FBRS: variants seen among roughly 807,000 people sequenced by gnomAD.
FBRS encodes probable fibrosin-1.
Under a neutral mutation model 86.1 loss-of-function variants are expected in FBRS, and 15 were observed. The observed-to-expected ratio is 0.17, with a 90% CI of 0.12 to 0.27. The LOEUF (loss-of-function observed/expected upper bound fraction) is 0.27, where lower values mean the gene tolerates loss of function less well. FBRS is among the 10% of genes least tolerant of loss of function. The pLI is 1.00. For missense variants in FBRS, 1,367 were observed against 1,301.6 expected, an observed-to-expected ratio of 1.05 and a Z score of -0.77; for synonymous variants, 666 against 575.8, an observed-to-expected ratio of 1.16 and a Z score of -2.24.
intron 4 of FBRS, 177 bp from the exon 5 acceptor site, chr16:30,662,240 TCTG>T: frequency 1.1e-6 from 1 of 918,916 alleles, no homozygotes; most frequent in East Asian, 2.7e-5. Context: ...GCTGCTCCAC[TCTG>T]CTTTTTCTCC....
rs2052458607 is a variant in FBRS, at chr16:30,661,311, C to T, written c.683C>T (p.Ala228Val). The change falls in exon 4 of 18, where the codon GCG becomes GTG. Residue 228 changes from alanine (A) to valine (V), a missense_variant. This residue lies in a region of FBRS where 702 missense variants were observed against 598.7 expected (regional missense o/e 1.17). Coordinates refer to ENST00000356166, the MANE Select transcript of FBRS (RefSeq NM_001105079.3). ...HSLEAGYICD[A>V]ESDLDERVSD... Reference sequence around the variant, plus strand: ...GTCTTTCCTTCTCCCCAGTGTGACGCGGAAAGTGATCTGGACGAGAGGGTG... The same window carrying T: ...GTCTTTCCTTCTCCCCAGTGTGACGTGGAAAGTGATCTGGACGAGAGGGTG... 3.9e-6 allele frequency: 6 copies of T among 1,550,578 alleles called. No individual in the cohort carries two copies. Among genetic ancestry groups the T allele is most frequent in the South Asian group, 1.2e-5 (1 of 84,054 alleles).
rs942183558 is a variant in FBRS at position 30,665,753 on chromosome 16, G to T, written c.1773+47G>T. ...CTGGGGGAGCTGGAAGGTGTGTTGCGGGGAGAACAGAACTGACTTGAGGAG... is the reference window on the plus strand; with the variant it reads ...CTGGGGGAGCTGGAAGGTGTGTTGCTGGGAGAACAGAACTGACTTGAGGAG... On this transcript the variant is annotated intron_variant, in intron 11 of 17. Transcript: ENST00000356166. This position sits in a 1 kb window ranked among gnomAD's most constrained non-coding sequence, Gnocchi z 4.1. The T allele has an allele frequency of 2.7e-5, 42 of 1,535,890 alleles. No individual in the cohort carries two copies. The highest frequency in any genetic ancestry group is 3.4e-5 in the Non-Finnish European group (39 of 1,132,088).
At chr16:30,667,686 A>C (rs1394523482) in intron 15 of FBRS, 64 bp downstream of exon 15, 1 of 1,385,902 alleles carries the variant, frequency 7.2e-7, no homozygotes, top group African/African-American at 1.5e-5. Context: ...GATGGAAATC[A>C]GACCCAGCAG....
chr16:30,664,138 C>T (rs2052491858), intron 6 of FBRS, 77 bp from the exon 7 acceptor site: 4 of 1,300,172 alleles, frequency 3.1e-6, no homozygotes, highest in Non-Finnish European at 3.0e-6. Context: ...GTCACGGTAT[C>T]ACCCAGGCTT....
intron 2 of FBRS, 21 bp downstream of exon 2, chr16:30,660,463 T>C: frequency 8.0e-7 from 1 of 1,256,376 alleles, no homozygotes; most frequent in Non-Finnish European, 1.0e-6. Flanking sequence ...CCCTTAAAAC[T>C]CTTTAGGCAG....
Position 30,665,671 on chromosome 16 carries a change from C to T in FBRS, c.1738C>T (p.Pro580Ser). 1 of 1,591,670 alleles carries T rather than the reference C, an allele frequency of 6.3e-7. No homozygotes were observed. Among genetic ancestry groups the T allele is most frequent in the South Asian group, 1.1e-5 (1 of 87,172 alleles). ...CCCTGAGCTGCCACCACGACTGGGG[C>T]CGGTGCCGAGCGGGCTCTCCCAGAA... The part of the protein sequence containing the change: ...TNPELPPRLG[P>S]VPSGLSQKGT... The change falls in exon 11 of 18, where the codon CCG becomes TCG. Residue 580 changes from proline to serine, a missense_variant. Coordinates refer to ENST00000356166, the MANE Select transcript of FBRS (RefSeq NM_001105079.3). This position sits in a 1 kb window ranked among gnomAD's most constrained non-coding sequence, Gnocchi z 4.1.
chr16:30,666,863 G>T (rs978405094), intron 12 of FBRS, 56 bp from the exon 13 acceptor site: 6 of 1,562,770 alleles, frequency 3.8e-6, no homozygotes, highest in Non-Finnish European at 3.5e-6. Context: ...TGGAGTGGAT[G>T]ATGAGTGAAC....
At position 30,665,424 on chromosome 16, in the gene FBRS, A is replaced by G. The variant is rs2052511853; in HGVS notation, c.1704+23A>G. The G allele has an allele frequency of 5.2e-6, 8 of 1,547,636 alleles. No individual in the cohort carries two copies. Among genetic ancestry groups the G allele is most frequent in the Admixed American group, 1.9e-5 (1 of 51,536 alleles). On this transcript the variant is annotated intron_variant, in intron 10 of 17. Coordinates refer to ENST00000356166, the MANE Select transcript of FBRS (RefSeq NM_001105079.3). This position sits in a 1 kb window ranked among gnomAD's most constrained non-coding sequence, Gnocchi z 4.1. The stretch of plus-strand genomic sequence containing the variant: ...AAGGTGAGCTCCCAATCCAGACACC[A>G]CCACCGCCTACCATCTTGACAAACC...
In FBRS at chr16:30,668,907, G is replaced by A. The variant is rs778529104; in HGVS notation, c.2294G>A (p.Arg765Gln). The A allele has an allele frequency of 8.6e-5, 137 of 1,587,978 alleles. No individual in the cohort carries two copies. The highest frequency in any genetic ancestry group is 6.7e-4 in the Middle Eastern group (4 of 6,006). Reference protein sequence around the residue: ...PAWVRPPEAARTPGSDKERPV... With the variant: ...PAWVRPPEAAQTPGSDKERPV... ...TGGGTCCGGCCCCCTGAGGCCGCCC[G>A]GACTCCAGGCTCAGACAAGGAGCGG... Residue 765 changes from arginine to glutamine, a missense_variant, in exon 17 of 18, where the codon CGG becomes CAG. This residue lies in a region of FBRS where 659 missense variants were observed against 678.8 expected (regional missense o/e 0.97). Coordinates refer to ENST00000356166, the MANE Select transcript of FBRS (RefSeq NM_001105079.3).
rs181348530 is a variant in FBRS, at chr16:30,662,576, G to C, written c.772G>C (p.Ala258Pro). Residue 258 changes from alanine (A) to proline (P), a missense_variant, in exon 6 of 18, where the codon GCC becomes CCC. Around this residue, in one of 3 missense-constraint regions of FBRS, gnomAD observed 702 missense variants for 598.7 expected, o/e 1.17. Coordinates refer to ENST00000356166, the MANE Select transcript of FBRS (RefSeq NM_001105079.3). ...CCCCACAGCCTCGGGCCCCCACGGC[G>C]CCTTCAATGGGAACTGTGAAGCAAA... The part of the protein sequence containing the change: ...STSKASGPHG[A>P]FNGNCEAKLS... 8.3e-5 allele frequency: 128 copies of C among 1,541,744 alleles called. No homozygotes were observed. The highest frequency in any genetic ancestry group is 1.1e-4 in the Non-Finnish European group (123 of 1,140,924).
In FBRS at chr16:30,669,886, G is replaced by A. The variant is rs1048404203; in HGVS notation, c.*241G>A. ...AGAAGGGAGAGGGGCGTGTGCATGG[G>A]AGTGTGGCTCATCTCGGGGGCCATG... On this transcript the variant is annotated 3_prime_UTR_variant, in exon 18 of 18. Coordinates refer to ENST00000356166, the MANE Select transcript of FBRS (RefSeq NM_001105079.3). This position sits in a 1 kb window ranked among gnomAD's most constrained non-coding sequence, Gnocchi z 5.9. The A allele has an allele frequency of 8.0e-6, 5 of 625,246 alleles. No individual in the cohort carries two copies. The highest frequency in any genetic ancestry group is 5.5e-5 in the African/African-American group (3 of 54,156). 38.7% of individuals were successfully genotyped at this position (625,246 alleles called of 1,614,324 possible). A position where few individuals can be genotyped will look rare whatever the true frequency, so the allele number is the denominator to read the frequency against.
intron 4 of FBRS, among the ~76,000 whole-genome samples, chr16:30,661,743 C>G (rs549628743): frequency 2.0e-5 from 3 of 151,472 alleles, no homozygotes; most frequent in East Asian, 3.9e-4. Context: ...AGTGTAGGGA[C>G]TCAGCCCATA....
Position 30,669,679 on chromosome 16 carries a change from C to T in FBRS, c.*34C>T, listed in dbSNP as rs1287062751. The stretch of plus-strand genomic sequence containing the variant: ...GGGGGGGGTCGGGGCAAAGCTCCAT[C>T]TCCCCTTCCTTTAACCAGGTCCTAG... On this transcript the variant is annotated 3_prime_UTR_variant, in exon 18 of 18. Coordinates refer to ENST00000356166, the MANE Select transcript of FBRS (RefSeq NM_001105079.3). The surrounding 1 kb of genome is among the most constrained non-coding windows in gnomAD (Gnocchi z 5.9). The T allele has an allele frequency of 2.6e-6, 4 of 1,549,818 alleles. No individual in the cohort carries two copies. Among genetic ancestry groups the T allele is most frequent in the Non-Finnish European group, 3.5e-6 (4 of 1,156,044 alleles).
At chr16:30,667,110 C>T (rs576737709) in intron 13 of FBRS, 120 bp downstream of exon 13, 1 of 1,094,718 alleles carries the variant, frequency 9.1e-7, no homozygotes, top group African/African-American at 1.6e-5. Flanking sequence ...CTCCTGTCCC[C>T]CATCACTGCT....
At position 30,662,757 on chromosome 16, in the gene FBRS, C is replaced by T. The variant is rs567965279; in HGVS notation, c.953C>T (p.Pro318Leu). ...CCCCCTGCACCCCTGCCGGCCACTCCCAGTCTGCCACCCCCACCCCAGCCC... is the reference window on the plus strand; with the variant it reads ...CCCCCTGCACCCCTGCCGGCCACTCTCAGTCTGCCACCCCCACCCCAGCCC... ...VSPPAPLPAT[P>L]SLPPPPQPQL... Residue 318 changes from proline (P) to leucine (L), a missense_variant, in exon 6 of 18, where the codon CCC (proline) becomes CTC (leucine). Physicochemically the swap from Pro to Leu is moderately conservative, Grantham distance 98. Around this residue, in one of 3 missense-constraint regions of FBRS, gnomAD observed 702 missense variants for 598.7 expected, o/e 1.17. Transcript: ENST00000356166. 4 of 1,528,056 alleles carry T rather than the reference C, an allele frequency of 2.6e-6. No homozygotes were observed. The highest frequency in any genetic ancestry group is 2.8e-5 in the African/African-American group (2 of 72,588). 94.7% of individuals were successfully genotyped at this position (1,528,056 alleles called of 1,614,324 possible).
Position 30,668,857 on chromosome 16 carries a change from C to T in FBRS, c.2244C>T (p.His748=), listed in dbSNP as rs751560671. The T allele has an allele frequency of 2.0e-5, 32 of 1,590,642 alleles. No individual in the cohort carries two copies. Among genetic ancestry groups the T allele is most frequent in the Middle Eastern group, 1.6e-4 (1 of 6,064 alleles). ...CACCGGACCCATGGGGCCGCCTGCA[C>T]CGCAGTCCTCTGACCTTTCCTGCCT... ...ASPPDPWGRL[H]RSPLTFPAWV... is the part of the protein sequence containing the mutation. The change falls in exon 17 of 18, where the codon CAC becomes CAT. Residue 748 remains histidine (H), a synonymous_variant. Coordinates refer to ENST00000356166, the MANE Select transcript of FBRS (RefSeq NM_001105079.3).
Position 30,665,263 on chromosome 16 carries a change from G to T in FBRS, c.1609-43G>T. The T allele has an allele frequency of 6.5e-7, 1 of 1,541,928 alleles. No homozygotes were observed. The highest frequency in any genetic ancestry group is 2.4e-5 in the East Asian group (1 of 40,972). On this transcript the variant is annotated intron_variant, in intron 9 of 17. Coordinates refer to ENST00000356166, the MANE Select transcript of FBRS (RefSeq NM_001105079.3). This position sits in a 1 kb window ranked among gnomAD's most constrained non-coding sequence, Gnocchi z 4.1. ...CTGACGGGCAGGCTGGACTTGGGCT[G>T]CGCCTCCACCCCCACCTGTACTAGT...
intron 15 of FBRS, chr16:30,667,829 A>G (rs2052541332): frequency 2.1e-6 from 1 of 470,988 alleles, no homozygotes; most frequent in African/African-American, 2.0e-5. Flanking sequence ...AGTCTCTGCC[A>G]GCTGGAGCCC....
chr16:30,664,015 G>A (rs1348630667), intron 6 of FBRS, among the ~76,000 whole-genome samples, 200 bp from the exon 7 acceptor site: 1 of 152,204 alleles, frequency 6.6e-6, no homozygotes, highest in East Asian at 1.9e-4. Flanking sequence ...GACCTAGACA[G>A]GGAGAAATAG....
Sources: allele counts gnomAD v4.1 joint callset (sites outside exome capture counted in the v4.1 genomes callset), GRCh38; gene constraint gnomAD v4.1.1; regional missense constraint gnomAD v4.1.1; non-coding constraint Gnocchi (gnomAD v3.1); transcripts MANE v1.5; gene names NCBI Gene and HGNC (gene_info 2026-07-23, HGNC 2026-07-21).